MYO1E: variants seen among roughly 807,000 people sequenced by gnomAD.
MYO1E encodes the protein unconventional myosin-Ie.
A neutral mutation model predicts 151.1 loss-of-function variants in MYO1E; 68 were observed. That is an observed-to-expected ratio of 0.45 (90% CI 0.37 to 0.55). The LOEUF (loss-of-function observed/expected upper bound fraction) is 0.55, where lower values mean the gene tolerates loss of function less well. Ranked by LOEUF, MYO1E falls within the 20% of genes least tolerant of loss-of-function variation. MYO1E has a pLI of 0.00. For missense variants in MYO1E, 1,363 were observed against 1,389.3 expected, an observed-to-expected ratio of 0.98 and a Z score of 0.30; for synonymous variants, 601 against 501.7, an observed-to-expected ratio of 1.20 and a Z score of -2.64.
Position 59,133,380 on chromosome 15 carries a change from A to G in MYO1E, c.*4000T>C, listed in dbSNP as rs1040960345. On this transcript the variant is annotated 3_prime_UTR_variant, in exon 28 of 28. Transcript: ENST00000288235. ...AAGTGAGGTGCTGTCTGAAAATAAA[A>G]ACGCACAGGCCTTTGACTCAGAGTT... The G allele has an allele frequency of 2.6e-5, 4 of 152,186 alleles. No individual in the cohort carries two copies. The highest frequency in any genetic ancestry group is 9.7e-5 in the African/African-American group (4 of 41,410). 9.4% of individuals were successfully genotyped at this position (152,186 alleles called of 1,614,324 possible). A position where few individuals can be genotyped will look rare whatever the true frequency, so the allele number is the denominator to read the frequency against.
rs1300453136 is a variant in MYO1E at position 59,350,016 on chromosome 15, C to T, written c.3+22482G>A. Among the ~76,000 whole-genome samples, 2 of 152,160 alleles carry T rather than the reference C, an allele frequency of 1.3e-5. No individual in the cohort carries two copies. The highest frequency in any genetic ancestry group is 2.9e-5 in the Non-Finnish European group (2 of 68,030). On this transcript the variant is annotated intron_variant, in intron 1 of 27. Transcript: ENST00000288235. This position sits in a 1 kb window ranked among gnomAD's most constrained non-coding sequence, Gnocchi z 5.0. Reference sequence around the variant, plus strand: ...AGGGGTGGCTAGAACAGAGCCTCAGCCACAACCAGGTTGTGGTGCGTTACA... The same window carrying T: ...AGGGGTGGCTAGAACAGAGCCTCAGTCACAACCAGGTTGTGGTGCGTTACA...
chr15:59,237,589 G>C (rs543626571), intron 4 of MYO1E, among the ~76,000 whole-genome samples: 2 of 152,332 alleles, frequency 1.3e-5, no homozygotes, highest in African/African-American at 4.8e-5. Context: ...AATGATGGTG[G>C]GAGTTAGTAT....
intron 1 of MYO1E, among the ~76,000 whole-genome samples, chr15:59,342,478 G>C (rs2080771521): frequency 6.6e-6 from 1 of 152,198 alleles, no homozygotes; most frequent in African/African-American, 2.4e-5. Context: ...TGAAGTCTTA[G>C]ATTTAGGTCA....
At chr15:59,188,052 T>G in intron 18 of MYO1E, 66 bp downstream of exon 18, 1 of 1,211,288 alleles carries the variant, frequency 8.3e-7, no homozygotes, top group Non-Finnish European at 1.2e-6. Flanking sequence ...GTGGGTGAAT[T>G]GTATAGATTT....
chr15:59,208,327 T>C (rs2079854096), intron 14 of MYO1E: 1 of 562,542 alleles, frequency 1.8e-6, no homozygotes. Context: ...ATGTTATATA[T>C]ATGTAGTTGG....
intron 1 of MYO1E, among the ~76,000 whole-genome samples, chr15:59,300,318 A>G (rs2080474436): frequency 1.3e-5 from 2 of 151,880 alleles, no homozygotes. Flanking sequence ...ACACACAGAC[A>G]CACACACACA....
chr15:59,369,114 T>C (rs1176292207), intron 1 of MYO1E, among the ~76,000 whole-genome samples: 1 of 152,234 alleles, frequency 6.6e-6, no homozygotes, highest in Non-Finnish European at 1.5e-5. Flanking sequence ...GTAGGTTACC[T>C]TCCCAGGAAA....
In MYO1E at chr15:59,174,268, G is replaced by GCCAAGCC. The variant is rs2079611944; in HGVS notation, c.2050-35_2050-29dup. The GCCAAGCC allele has an allele frequency of 3.9e-6, 6 of 1,531,632 alleles. No individual in the cohort carries two copies. The East Asian group carries it at 6.7e-5, about 17-fold the overall frequency. The allele number at this position is 1,531,632 out of a possible 1,614,324, so 94.9% of individuals were successfully genotyped here. On this transcript the variant is annotated intron_variant, in intron 19 of 27. Coordinates refer to ENST00000288235, the MANE Select transcript of MYO1E (RefSeq NM_004998.4). Reference sequence around the variant, plus strand: ...GTGAATGGAGAGAAGACAAATGTGAGCCAAGCCCCAAGCCCCAATCCCTGA... The same window carrying GCCAAGCC: ...GTGAATGGAGAGAAGACAAATGTGAGCCAAGCCCCAAGCCCCAAGCCCCAATCCCTGA...
intron 4 of MYO1E, among the ~76,000 whole-genome samples, chr15:59,249,442 C>T (rs141375317): frequency 8.8e-4 from 123 of 139,014 alleles, no homozygotes; most frequent in Middle Eastern, 3.8e-3. Flanking sequence ...AAAAAAAATC[C>T]GATTTGTTAC....
At chr15:59,217,490 C>T (rs1341676359) in intron 10 of MYO1E, among the ~76,000 whole-genome samples, 2 of 128,454 alleles carry the variant, frequency 1.6e-5, no homozygotes, top group Non-Finnish European at 3.2e-5. Flanking sequence ...GGAGCCAGAA[C>T]AGGAACACAA....
chr15:59,224,599 C>T (rs72746830), intron 8 of MYO1E, 90 bp downstream of exon 8: 44 of 1,542,522 alleles, frequency 2.9e-5, no homozygotes, highest in Non-Finnish European at 3.8e-5. Flanking sequence ...TCATGCAGCT[C>T]TTTGCTTTAT....
At chr15:59,279,833 A>G (rs987297647) in intron 1 of MYO1E, among the ~76,000 whole-genome samples, 5 of 152,224 alleles carry the variant, frequency 3.3e-5, no homozygotes, top group African/African-American at 1.2e-4. Context: ...TGAACGTATG[A>G]TAGTATTTAT....
intron 1 of MYO1E, among the ~76,000 whole-genome samples, chr15:59,334,390 A>G (rs2080716000): frequency 6.6e-6 from 1 of 152,128 alleles, no homozygotes; most frequent in African/African-American, 2.4e-5. Context: ...TCCTGATGTG[A>G]TTATTATGCA....
At chr15:59,243,502 A>C (rs2171285) in intron 4 of MYO1E, among the ~76,000 whole-genome samples, 147,631 of 152,206 alleles carry the variant, frequency 0.97, 71,757 homozygotes, top group East Asian at 1. Flanking sequence ...TTGCTGAAGG[A>C]CACTTAGCTA....
At chr15:59,292,749 C>T (rs531977247) in intron 1 of MYO1E, among the ~76,000 whole-genome samples, 148 of 152,250 alleles carry the variant, frequency 9.7e-4, no homozygotes, top group Non-Finnish European at 1.8e-3. Flanking sequence ...CAAACAAGAC[C>T]GCGAAATGAG....
intron 1 of MYO1E, among the ~76,000 whole-genome samples, chr15:59,360,048 G>C (rs2140440182): frequency 6.6e-6 from 1 of 152,284 alleles, no homozygotes; most frequent in South Asian, 2.1e-4. Context: ...GGGAAGATAA[G>C]AACAGTGAAA....
At chr15:59,328,430 CT>C (rs1323882961) in intron 1 of MYO1E, among the ~76,000 whole-genome samples, 1 of 151,984 alleles carries the variant, frequency 6.6e-6, no homozygotes, top group Non-Finnish European at 1.5e-5. Flanking sequence ...TTTCTGGCCC[CT>C]CTCCCAATAC....
chr15:59,197,111 G>A (rs11633205), intron 16 of MYO1E, among the ~76,000 whole-genome samples: 41,385 of 147,078 alleles, frequency 0.28, 6,214 homozygotes, highest in East Asian at 0.59. Context: ...GCCTGCCTCC[G>A]CCTCCCGAGT....
At chr15:59,216,448 T>C (rs1478716342) in intron 10 of MYO1E, among the ~76,000 whole-genome samples, 1 of 151,698 alleles carries the variant, frequency 6.6e-6, no homozygotes, top group African/African-American at 2.4e-5. Context: ...CCTGCTATTA[T>C]TATTTTACCA....
Sources: gnomAD v4.1 joint callset for allele counts (sites outside exome capture counted in the v4.1 genomes callset) on GRCh38, gnomAD v4.1.1 for gene constraint, Gnocchi (gnomAD v3.1) non-coding constraint, MANE v1.5 for transcripts, NCBI Gene and HGNC (gene_info 2026-07-23, HGNC 2026-07-21) for gene names.